SLIT3: variants seen among roughly 807,000 people sequenced by gnomAD.
SLIT3 encodes the protein slit homolog 3 protein.
In SLIT3, 68 loss-of-function variants were observed where a neutral mutation model predicts 184.0. That is an observed-to-expected ratio of 0.37 (90% CI 0.30 to 0.45). The LOEUF is 0.45. Ranked by LOEUF, SLIT3 falls within the 20% of genes least tolerant of loss-of-function variation. The pLI is 1.00. For synonymous variants in SLIT3, 831 were observed against 828.6 expected (o/e 1.00, Z -0.05); for missense variants, 1,707 against 2,026.0 (o/e 0.84, Z 3.02).
intron 4 of SLIT3, among the ~76,000 whole-genome samples, chr5:169,068,431 G>A (rs373234346): frequency 6.6e-6 from 1 of 152,118 alleles, no homozygotes; most frequent in Non-Finnish European, 1.5e-5. Flanking sequence ...CTAAGTATAG[G>A]AGAATAATGT....
At chr5:169,207,720 C>A (rs1395758030) in intron 3 of SLIT3, among the ~76,000 whole-genome samples, 1 of 152,156 alleles carries the variant, frequency 6.6e-6, no homozygotes, top group Admixed American at 6.5e-5. Context: ...TTCTGTCCTT[C>A]CCCCACTAAA....
intron 1 of SLIT3, among the ~76,000 whole-genome samples, chr5:169,261,120 C>T (rs1328080562): frequency 6.6e-6 from 1 of 152,230 alleles, no homozygotes; most frequent in Admixed American, 6.5e-5. Flanking sequence ...TAGACTCCTG[C>T]TCTCTACTAT....
In SLIT3 at chr5:168,752,930, G is replaced by A. The variant is rs779477910; in HGVS notation, c.1973+25C>T. The A allele has an allele frequency of 6.2e-6, 10 of 1,611,492 alleles. No homozygotes were observed. The Admixed American group carries it at 1.3e-4, about 21-fold the overall frequency. ...TGCAGAGTGGGATCCCAGAGTCCGT[G>A]GGCAGTGGACCCAGGAGAACTTACA... On this transcript the variant is annotated intron_variant, in intron 18 of 35. Transcript: ENST00000519560.
At chr5:168,670,628 G>T (rs1012778991) in intron 34 of SLIT3, among the ~76,000 whole-genome samples, 10 of 152,320 alleles carry the variant, frequency 6.6e-5, no homozygotes, top group African/African-American at 2.4e-4. Flanking sequence ...CTGTATAGCT[G>T]TCCCTTATTC....
At chr5:169,265,322 G>C (rs536005547) in intron 1 of SLIT3, among the ~76,000 whole-genome samples, 6 of 152,256 alleles carry the variant, frequency 3.9e-5, no homozygotes, top group Non-Finnish European at 5.9e-5. Context: ...GCCAATTTGG[G>C]AGCATTTCAA....
chr5:168,727,553 C>G (rs1297972875), intron 20 of SLIT3, among the ~76,000 whole-genome samples: 2 of 152,204 alleles, frequency 1.3e-5, no homozygotes, highest in South Asian at 4.2e-4. Context: ...GGGTAGATCA[C>G]GCTGAGGCCT....
chr5:169,251,842 C>T (rs1312746716), intron 1 of SLIT3, among the ~76,000 whole-genome samples: 1 of 152,160 alleles, frequency 6.6e-6, no homozygotes, highest in African/African-American at 2.4e-5. Context: ...TTCCTGACCA[C>T]AGCAAATGTT....
chr5:168,811,417 C>A (rs1319596415), intron 8 of SLIT3, among the ~76,000 whole-genome samples: 2 of 152,146 alleles, frequency 1.3e-5, no homozygotes, highest in African/African-American at 4.8e-5. Flanking sequence ...AGCTAGTGAA[C>A]AACAATGTTT....
At chr5:168,985,703 G>C (rs909589038) in intron 4 of SLIT3, among the ~76,000 whole-genome samples, 1 of 152,150 alleles carries the variant, frequency 6.6e-6, no homozygotes, top group South Asian at 2.1e-4. Context: ...AGGAATGCAG[G>C]GACAAAGACT....
intron 3 of SLIT3, among the ~76,000 whole-genome samples, chr5:169,200,016 G>C (rs1438363350): frequency 6.6e-6 from 1 of 152,168 alleles, no homozygotes; most frequent in African/African-American, 2.4e-5. Context: ...ACTGTGTGAG[G>C]GTAAACAGGG....
chr5:169,186,861 C>A (rs1251031555), intron 4 of SLIT3, among the ~76,000 whole-genome samples: 1 of 55,552 alleles, frequency 1.8e-5, no homozygotes. Flanking sequence ...GGAATCTGCT[C>A]CACCATGATA....
At chr5:169,297,896 G>A (rs1767561340) in intron 1 of SLIT3, among the ~76,000 whole-genome samples, 2 of 152,202 alleles carry the variant, frequency 1.3e-5, no homozygotes, top group South Asian at 2.1e-4. Context: ...CACTGCGCCC[G>A]GCTTCAAGTA....
chr5:168,675,726 G>A (rs1761386596), intron 32 of SLIT3, among the ~76,000 whole-genome samples: 1 of 152,140 alleles, frequency 6.6e-6, no homozygotes, highest in South Asian at 2.1e-4. Context: ...CAACAAAAGA[G>A]CGCTTTGTCA....
chr5:168,961,949 G>A (rs1476056471), intron 4 of SLIT3, among the ~76,000 whole-genome samples: 5 of 152,008 alleles, frequency 3.3e-5, no homozygotes, highest in Non-Finnish European at 2.9e-5. Context: ...GGTATGATAT[G>A]GAGAATGGAC....
intron 21 of SLIT3, among the ~76,000 whole-genome samples, chr5:168,723,865 T>A (rs1350105780): frequency 6.6e-6 from 1 of 151,808 alleles, no homozygotes; most frequent in African/African-American, 2.4e-5. Context: ...TTGAAAAAAA[T>A]CTGCTCAGGT....
At position 168,998,702 on chromosome 5, in the gene SLIT3, T is replaced by TCAAAACAAAACAAAA. The variant is rs66611793; in HGVS notation, c.414-115381_414-115367dup. On this transcript the variant is annotated intron_variant, in intron 4 of 35. Coordinates refer to ENST00000519560, the MANE Select transcript of SLIT3 (RefSeq NM_003062.4). Reference sequence around the variant, plus strand: ...CTGGGCGACAGAGCAAGACTCCATTTCAAAACAAAACAAAACAAAACAAAA... The same window carrying TCAAAACAAAACAAAA: ...CTGGGCGACAGAGCAAGACTCCATTTCAAAACAAAACAAAACAAAACAAAACAAAACAAAACAAAA... 3.4e-3 allele frequency among the ~76,000 whole-genome samples: 475 copies of TCAAAACAAAACAAAA among 141,696 alleles called. 5 individuals are homozygous for TCAAAACAAAACAAAA. Among genetic ancestry groups the TCAAAACAAAACAAAA allele is most frequent in the African/African-American group, 0.011 (445 of 39,558 alleles). The allele number at this position is 141,696 out of a possible 152,430, so 93.0% of individuals were successfully genotyped here. A position where few individuals can be genotyped will look rare whatever the true frequency, so the allele number is the denominator to read the frequency against.
intron 4 of SLIT3, among the ~76,000 whole-genome samples, chr5:169,106,723 C>T (rs1252875821): frequency 2.0e-5 from 3 of 152,226 alleles, no homozygotes; most frequent in Admixed American, 2.0e-4. Flanking sequence ...GGCATCACAA[C>T]AGATACTGAT....
intron 4 of SLIT3, among the ~76,000 whole-genome samples, chr5:168,940,955 G>A (rs1405341612): frequency 1.3e-5 from 2 of 152,156 alleles, no homozygotes; most frequent in Admixed American, 1.3e-4. Context: ...TCATTCCTGA[G>A]TTATAGAAGC....
chr5:169,066,441 C>T (rs757873805), intron 4 of SLIT3, among the ~76,000 whole-genome samples: 15 of 152,134 alleles, frequency 9.9e-5, no homozygotes, highest in Non-Finnish European at 1.9e-4. Context: ...CATGAAAAAA[C>T]GCTCAACTTA....
Sources: allele counts gnomAD v4.1 joint callset (sites outside exome capture counted in the v4.1 genomes callset), GRCh38; gene constraint gnomAD v4.1.1; transcripts MANE v1.5; gene names NCBI Gene and HGNC (gene_info 2026-07-23, HGNC 2026-07-21).